Variants in SPMIP4 observed in about 807,000 individuals in gnomAD.
SPMIP4 encodes sperm microtubule inner protein 4.
At chr7:25,138,768 T>C in the SPMIP4 span, among the ~76,000 whole-genome samples, 4 of 152,246 alleles carry the variant, frequency 2.6e-5, no homozygotes, top group Non-Finnish European at 4.4e-5. The surrounding 1 kb of genome is among the most constrained non-coding windows in gnomAD (Gnocchi z 6.2). Flanking sequence ...CAAAAACATA[T>C]GTCCATACAC....
chr7:25,174,264 C>T, the SPMIP4 span, among the ~76,000 whole-genome samples: 2 of 152,154 alleles, frequency 1.3e-5, no homozygotes, highest in Non-Finnish European at 2.9e-5. This position sits in a 1 kb window ranked among gnomAD's most constrained non-coding sequence, Gnocchi z 4.5. Flanking sequence ...CTCACTCTCT[C>T]TCCATGTCTC....
chr7:25,156,612 G>T, the SPMIP4 span, among the ~76,000 whole-genome samples: 1 of 152,160 alleles, frequency 6.6e-6, no homozygotes, highest in Non-Finnish European at 1.5e-5. Flanking sequence ...TGGCACGGAG[G>T]ATACTGGGTG....
chr7:25,140,847 A>C, the SPMIP4 span, among the ~76,000 whole-genome samples: 1 of 152,292 alleles, frequency 6.6e-6, no homozygotes, highest in East Asian at 1.9e-4. Context: ...TCAGCCTCCC[A>C]AAGTGCTAGG....
the SPMIP4 span, chr7:25,136,797 T>C: frequency 6.2e-7 from 1 of 1,603,844 alleles, no homozygotes; most frequent in Non-Finnish European, 8.5e-7. The surrounding 1 kb of genome is among the most constrained non-coding windows in gnomAD (Gnocchi z 5.7). Context: ...TTTCTTGCTG[T>C]AGTTGTGGGA....
chr7:25,162,074 T>C, the SPMIP4 span, among the ~76,000 whole-genome samples: 1 of 151,712 alleles, frequency 6.6e-6, no homozygotes, highest in African/African-American at 2.4e-5. Context: ...AGTTCGAGAC[T>C]AGCCTGGCCA....
chr7:25,148,477 C>CTTTTT, the SPMIP4 span, among the ~76,000 whole-genome samples: 1 of 128,186 alleles, frequency 7.8e-6, no homozygotes, highest in Non-Finnish European at 1.6e-5. Flanking sequence ...GAATCTGCCT[C>CTTTTT]TTTTTTTTTT....
chr7:25,151,173 GT>G, the SPMIP4 span, among the ~76,000 whole-genome samples: 1 of 151,482 alleles, frequency 6.6e-6, no homozygotes, highest in Admixed American at 6.6e-5. Flanking sequence ...GTAAATCATA[GT>G]CAAAATCTCA....
At chr7:25,167,735 G>A in the SPMIP4 span, among the ~76,000 whole-genome samples, 1 of 152,214 alleles carries the variant, frequency 6.6e-6, no homozygotes. Context: ...TCTGTGCCAA[G>A]TGTATGATAG....
the SPMIP4 span, among the ~76,000 whole-genome samples, chr7:25,148,963 A>T: frequency 6.6e-6 from 1 of 152,240 alleles, no homozygotes; most frequent in African/African-American, 2.4e-5. Flanking sequence ...TATAGAAAAC[A>T]GAAGTGAGAC....
chr7:25,158,409 C>T, the SPMIP4 span: 1 of 689,160 alleles, frequency 1.5e-6, no homozygotes, highest in Non-Finnish European at 2.4e-6. Context: ...CATGGGAAGT[C>T]TCACTTGTTT....
At chr7:25,175,517 A>G in the SPMIP4 span, among the ~76,000 whole-genome samples, 4 of 152,180 alleles carry the variant, frequency 2.6e-5, no homozygotes, top group Admixed American at 1.3e-4. Context: ...CTGCCAAGTG[A>G]GTGCCATGAT....
the SPMIP4 span, chr7:25,136,264 T>G: frequency 6.2e-7 from 1 of 1,614,166 alleles, no homozygotes; most frequent in Non-Finnish European, 8.5e-7. The surrounding 1 kb of genome is among the most constrained non-coding windows in gnomAD (Gnocchi z 5.7). Flanking sequence ...TTCCGTGTCT[T>G]GTTTATTTTG....
chr7:25,131,534 A>C, the SPMIP4 span, among the ~76,000 whole-genome samples: 1 of 152,226 alleles, frequency 6.6e-6, no homozygotes, highest in Non-Finnish European at 1.5e-5. This position sits in a 1 kb window ranked among gnomAD's most constrained non-coding sequence, Gnocchi z 4.2. Flanking sequence ...CAGACTGGTC[A>C]TATTTAGAAA....
chr7:25,152,159 CT>C, the SPMIP4 span, among the ~76,000 whole-genome samples: 10 of 152,052 alleles, frequency 6.6e-5, no homozygotes, highest in South Asian at 1.4e-3. Context: ...TCTTTCTGAT[CT>C]TTTTTTCTGG....
the SPMIP4 span, among the ~76,000 whole-genome samples, chr7:25,132,948 A>G: frequency 6.6e-6 from 1 of 152,042 alleles, no homozygotes; most frequent in African/African-American, 2.4e-5. The surrounding 1 kb of genome is among the most constrained non-coding windows in gnomAD (Gnocchi z 5.0). Context: ...CTACTCTTAC[A>G]TGTGTGCAAT....
the SPMIP4 span, among the ~76,000 whole-genome samples, chr7:25,166,384 G>C: frequency 6.6e-6 from 1 of 151,792 alleles, no homozygotes; most frequent in South Asian, 2.1e-4. Flanking sequence ...TCAGGAGATC[G>C]AGACCATCCT....
chr7:25,166,793 GC>G, the SPMIP4 span, among the ~76,000 whole-genome samples: 1 of 152,116 alleles, frequency 6.6e-6, no homozygotes, highest in Non-Finnish European at 1.5e-5. Flanking sequence ...AGGCTGGGAG[GC>G]TGAGGCAGGA....
chr7:25,152,225 C>A, the SPMIP4 span, among the ~76,000 whole-genome samples: 3 of 152,160 alleles, frequency 2.0e-5, no homozygotes, highest in Admixed American at 2.0e-4. Context: ...CTTTTCTCTG[C>A]CTAAATATCA....
At chr7:25,168,604 G>A in the SPMIP4 span, 3 of 694,972 alleles carry the variant, frequency 4.3e-6, no homozygotes, top group South Asian at 4.7e-5. Context: ...TCAGTGTCAG[G>A]TAGATTATGA....
Sources: allele counts gnomAD v4.1 joint callset (sites outside exome capture counted in the v4.1 genomes callset), GRCh38; gene constraint gnomAD v4.1.1; non-coding constraint Gnocchi (gnomAD v3.1); transcripts MANE v1.5; gene names NCBI Gene and HGNC (gene_info 2026-07-23, HGNC 2026-07-21).